The following SMARCA2 variants were observed in gnomAD, a reference collection of about 807,000 sequenced individuals.
SMARCA2 encodes the protein SWI/SNF related BAF chromatin remodeling complex subunit ATPase 2, also known as SWI/SNF-related matrix-associated actin-dependent regulator of chromatin subfamily A member 2.
A neutral mutation model predicts 199.8 loss-of-function variants in SMARCA2; 61 were observed. The observed-to-expected ratio is 0.31, with a 90% CI of 0.25 to 0.38. The LOEUF (loss-of-function observed/expected upper bound fraction) is 0.38. SMARCA2 is among the 10% of genes least tolerant of loss of function. The probability of loss-of-function intolerance (pLI) is 1.00; values close to 1 mark genes in which losing one functional copy is unlikely to be tolerated. For synonymous variants in SMARCA2, 935 were observed against 732.0 expected, an observed-to-expected ratio of 1.28 and a Z score of -4.48; for missense variants, 1,344 against 2,012.2, an observed-to-expected ratio of 0.67 and a Z score of 6.35.
In SMARCA2 at chr9:2,039,863, A is replaced by G. The variant is rs371645507; in HGVS notation, c.753A>G (p.Gln251=). 1.2e-6 allele frequency: 2 copies of G among 1,613,636 alleles called. No homozygotes were observed. The highest frequency in any genetic ancestry group is 1.7e-6 in the Non-Finnish European group (2 of 1,179,884). ...CGCCGCAACCACAGACGCAGCAACA[A>G]CAGCAGCCGGCCCTTGTTAACTACA... ...QQPPQPQTQQ[Q]QQPALVNYNR... Residue 251 remains glutamine, a synonymous_variant, in exon 4 of 34, where the codon CAA becomes CAG. Transcript: ENST00000349721. This position sits in a 1 kb window ranked among gnomAD's most constrained non-coding sequence, Gnocchi z 4.8.
intron 27 of SMARCA2, among the ~76,000 whole-genome samples, chr9:2,148,857 C>G (rs913254521): frequency 6.6e-6 from 1 of 151,382 alleles, no homozygotes; most frequent in Admixed American, 6.6e-5. Flanking sequence ...TTGTGTTTGT[C>G]TCTCCTGCGC....
intron 1 of SMARCA2, chr9:2,015,933 A>G (rs937603355): frequency 6.6e-6 from 1 of 152,340 alleles, no homozygotes; most frequent in Non-Finnish European, 1.5e-5. Flanking sequence ...GCTACTGTTC[A>G]TCCCGGGCAA....
At chr9:2,164,920 G>C (rs1462028828) in intron 28 of SMARCA2, among the ~76,000 whole-genome samples, 1 of 152,006 alleles carries the variant, frequency 6.6e-6, no homozygotes, top group Non-Finnish European at 1.5e-5. Flanking sequence ...ATTTCATGTT[G>C]GTAATCCTCT....
At chr9:2,096,622 C>A in intron 19 of SMARCA2, 35 bp from the exon 20 acceptor site, 1 of 1,401,150 alleles carries the variant, frequency 7.1e-7, no homozygotes, top group Non-Finnish European at 1.0e-6. Flanking sequence ...CTTCTCCTTC[C>A]TGCTCTTGCC....
chr9:2,082,792 T>C (rs552633883), intron 15 of SMARCA2, among the ~76,000 whole-genome samples: 1 of 152,390 alleles, frequency 6.6e-6, no homozygotes, highest in African/African-American at 2.4e-5. Flanking sequence ...GAAGACTATT[T>C]GCAGCCCTTT....
chr9:2,181,594 T>TCTTCATTCAGTTAC lies in SMARCA2; in HGVS notation c.4283_4296dup (p.Arg1433PhefsTer15). On this transcript the variant is annotated frameshift_variant, in exon 30 of 34. Coordinates refer to ENST00000349721, the MANE Select transcript of SMARCA2 (RefSeq NM_003070.5). LOFTEE classifies it high-confidence loss of function. ...AGTTCAGGGCGACAGCTCAGTGAAG[T>TCTTCATTCAGTTAC]CTTCATTCAGTTACCTTCAAGGAAA... 6.3e-7 allele frequency: 1 copy of TCTTCATTCAGTTAC among 1,598,912 alleles called. No individual in the cohort carries two copies.
At chr9:2,180,308 G>T (rs955437773) in intron 29 of SMARCA2, among the ~76,000 whole-genome samples, 2 of 152,072 alleles carry the variant, frequency 1.3e-5, no homozygotes, top group African/African-American at 2.4e-5. Context: ...GAGGATTTTC[G>T]GTTAATTTAT....
At chr9:2,021,173 C>G (rs139460062) in intron 1 of SMARCA2, among the ~76,000 whole-genome samples, 1 of 152,172 alleles carries the variant, frequency 6.6e-6, no homozygotes, top group African/African-American at 2.4e-5. Flanking sequence ...ATTTTAGAAA[C>G]TTTTTAGAAA....
At chr9:2,181,759 G>A in intron 30 of SMARCA2, 83 bp downstream of exon 30, 3 of 772,562 alleles carry the variant, frequency 3.9e-6, no homozygotes, top group South Asian at 1.5e-5. Context: ...AGTTGGAGCT[G>A]ACCGCCACTG....
At position 2,115,381 on chromosome 9, in the gene SMARCA2, A is replaced by C. The variant is rs1823174527; in HGVS notation, c.3457-441A>C. Among the ~76,000 whole-genome samples, 1 of 152,160 alleles carries C rather than the reference A, an allele frequency of 6.6e-6. No homozygotes were observed. On this transcript the variant is annotated intron_variant, in intron 24 of 33. Transcript: ENST00000349721. The surrounding 1 kb of genome is among the most constrained non-coding windows in gnomAD (Gnocchi z 6.0). ...AAGATGTATGTATGTATAATACCTG[A>C]ATGTACAACTCAGTGATATTTTTAA...
At chr9:2,041,536 C>T in intron 4 of SMARCA2, 2 of 397,338 alleles carry the variant, frequency 5.0e-6, no homozygotes, top group Middle Eastern at 6.3e-4. Flanking sequence ...TCCCAAAGAC[C>T]CCACCTTCTA....
At chr9:2,063,961 T>C (rs969039592) in intron 9 of SMARCA2, among the ~76,000 whole-genome samples, 8 of 152,206 alleles carry the variant, frequency 5.3e-5, no homozygotes, top group African/African-American at 1.9e-4. Flanking sequence ...GCCCTTGAAA[T>C]GGAAGAAGAA....
Position 2,149,179 on chromosome 9 carries a change from A to T in SMARCA2, c.3982-12507A>T, listed in dbSNP as rs527870950. ...AGAATCATGGCAGGAGGCAAAAGGC[A>T]CTTCTTACATGGTGGCGGCAAGAGA... is the stretch of plus-strand genomic sequence containing the variant. On this transcript the variant is annotated intron_variant, in intron 27 of 33. Transcript: ENST00000349721. Among the ~76,000 whole-genome samples, 38 of 151,434 alleles carry T rather than the reference A, an allele frequency of 2.5e-4. 2 individuals are homozygous for T. The highest frequency in any genetic ancestry group is 2.1e-4 in the South Asian group (1 of 4,802).
At position 2,029,125 on chromosome 9, in the gene SMARCA2, C is replaced by G; in HGVS notation, c.103C>G (p.Pro35Ala). 1 of 1,608,974 alleles carries G rather than the reference C, an allele frequency of 6.2e-7. No individual in the cohort carries two copies. The highest frequency in any genetic ancestry group is 2.2e-5 in the East Asian group (1 of 44,772). ...PILGPSPGPG[P>A]SPGSVHSMMG... is the part of the protein sequence containing the mutation. The stretch of plus-strand genomic sequence containing the variant: ...TCTTGGGCCTAGTCCAGGACCAGGA[C>G]CATCCCCAGGTTCCGTCCACAGCAT... The change falls in exon 2 of 34, where the codon CCA (proline) becomes GCA (alanine). Residue 35 changes from proline to alanine, a missense_variant. Pro to Ala is a conservative substitution (Grantham distance 27, BLOSUM62 -1). Transcript: ENST00000349721.
At chr9:2,095,131 G>C (rs1010987132) in intron 19 of SMARCA2, among the ~76,000 whole-genome samples, 5 of 151,048 alleles carry the variant, frequency 3.3e-5, no homozygotes, top group Non-Finnish European at 7.4e-5. Context: ...CGTCACCCAG[G>C]CTGGAGTGCA....
intron 29 of SMARCA2, chr9:2,181,316 G>C: frequency 6.8e-6 from 2 of 294,718 alleles, no homozygotes; most frequent in Non-Finnish European, 1.3e-5. Context: ...CTCTGAAAGG[G>C]AAATCCACAG....
intron 27 of SMARCA2, among the ~76,000 whole-genome samples, chr9:2,153,067 C>A (rs1037261622): frequency 6.7e-6 from 1 of 149,328 alleles, no homozygotes; most frequent in Non-Finnish European, 1.5e-5. Flanking sequence ...AACAAACAAC[C>A]AAAAAAACAA....
intron 27 of SMARCA2, among the ~76,000 whole-genome samples, chr9:2,145,017 G>T (rs1161937973): frequency 2.6e-5 from 4 of 152,130 alleles, no homozygotes; most frequent in African/African-American, 9.7e-5. Context: ...TTAGAGAAAC[G>T]CGCTGGTTAT....
In SMARCA2 at chr9:2,056,360, C is replaced by T. The variant is rs1334644288; in HGVS notation, c.1174-312C>T. On this transcript the variant is annotated intron_variant, in intron 6 of 33. Coordinates refer to ENST00000349721, the MANE Select transcript of SMARCA2 (RefSeq NM_003070.5). The surrounding 1 kb of genome is among the most constrained non-coding windows in gnomAD (Gnocchi z 4.0). ...AAAAGCTTATTTAGCTAATTGGTAT[C>T]ATTAGAATAATTAGAGAAAATGAAG... Among the ~76,000 whole-genome samples the T allele has an allele frequency of 1.3e-5, 2 of 152,136 alleles. No homozygotes were observed. Among genetic ancestry groups the T allele is most frequent in the Non-Finnish European group, 2.9e-5 (2 of 68,014 alleles).
Sources: allele counts gnomAD v4.1 joint callset (sites outside exome capture counted in the v4.1 genomes callset), GRCh38; gene constraint gnomAD v4.1.1; non-coding constraint Gnocchi (gnomAD v3.1); transcripts MANE v1.5; gene names NCBI Gene and HGNC (gene_info 2026-07-23, HGNC 2026-07-21).